The following ELL variants were observed in gnomAD, a reference collection of about 807,000 sequenced individuals.
ELL encodes the protein elongation factor for RNA polymerase II, also known as RNA polymerase II elongation factor ELL.
Under a neutral mutation model 64.0 loss-of-function variants are expected in ELL, and 18 were observed. That is an observed-to-expected ratio of 0.28 (90% CI 0.19 to 0.42). The LOEUF (loss-of-function observed/expected upper bound fraction) is 0.42. Ranked by LOEUF, ELL falls within the 10% of genes least tolerant of loss-of-function variation. The pLI is 1.00. For synonymous variants in ELL, 399 were observed against 376.2 expected (o/e 1.06, Z -0.70); for missense variants, 797 against 870.4 (o/e 0.92, Z 1.06).
At chr19:18,457,737 G>A (rs1482293375) in intron 6 of ELL, among the ~76,000 whole-genome samples, 6 of 152,176 alleles carry the variant, frequency 3.9e-5, no homozygotes, top group African/African-American at 7.2e-5. Context: ...TAGCCTGAGG[G>A]GATGCATTTA....
intron 6 of ELL, among the ~76,000 whole-genome samples, chr19:18,454,362 G>A (rs1365837287): frequency 2.0e-5 from 3 of 152,160 alleles, no homozygotes; most frequent in Non-Finnish European, 2.9e-5. Flanking sequence ...AGCCGGGCAT[G>A]GTGGCGGGCG....
intron 8 of ELL, among the ~76,000 whole-genome samples, chr19:18,447,410 G>A (rs993904525): frequency 1.3e-5 from 2 of 152,220 alleles, no homozygotes; most frequent in South Asian, 2.1e-4. Flanking sequence ...TGAATTGCAC[G>A]CTCCACAAGG....
rs1481679784 is a variant in ELL at position 18,443,987 on chromosome 19, C to T, written c.*765G>A. The T allele has an allele frequency of 8.6e-6, 2 of 232,346 alleles. No homozygotes were observed. Among genetic ancestry groups the T allele is most frequent in the African/African-American group, 4.4e-5 (2 of 45,294 alleles). The allele number at this position is 232,346 out of a possible 1,614,324, so 14.4% of individuals were successfully genotyped here. On this transcript the variant is annotated 3_prime_UTR_variant, in exon 12 of 12. Transcript: ENST00000262809. ...GCTGCGGCCGAGTCTCAACTTGGAG[C>T]ACAGAAACACAGTGGCCCCCGACAG...
intron 6 of ELL, among the ~76,000 whole-genome samples, chr19:18,454,517 A>G (rs1260216729): frequency 1.3e-5 from 2 of 150,986 alleles, no homozygotes; most frequent in East Asian, 3.9e-4. Context: ...AAAGAAATAA[A>G]TAAAATAAAC....
At chr19:18,446,273 A>G in intron 10 of ELL, 36 bp downstream of exon 10, 1 of 1,510,198 alleles carries the variant, frequency 6.6e-7, no homozygotes, top group Non-Finnish European at 8.8e-7. Context: ...GGCTCCCGCC[A>G]GAGCCAGGGC....
At position 18,482,308 on chromosome 19, in the gene ELL, C is replaced by CTTTTTTTTTTTT. The variant is rs530594631; in HGVS notation, c.136-9438_136-9427dup. ...TAGTCCATGGCTTGTCTTTTCATTCCTTTTTTTTTTTTTTTTTTTTTTTTT... is the reference window on the plus strand; with the variant it reads ...TAGTCCATGGCTTGTCTTTTCATTCCTTTTTTTTTTTTTTTTTTTTTTTTTTTTTTTTTTTTT... On this transcript the variant is annotated intron_variant, in intron 1 of 11. Transcript: ENST00000262809. Among the ~76,000 whole-genome samples, 22 of 77,566 alleles carry CTTTTTTTTTTTT rather than the reference C, an allele frequency of 2.8e-4. 4 individuals are homozygous for CTTTTTTTTTTTT. The highest frequency in any genetic ancestry group is 1.2e-3 in the African/African-American group (19 of 15,334). 50.9% of individuals were successfully genotyped at this position (77,566 alleles called of 152,430 possible).
intron 7 of ELL, 63 bp downstream of exon 7, chr19:18,451,489 C>T (rs1974534826): frequency 3.0e-6 from 4 of 1,329,336 alleles, no homozygotes; most frequent in Non-Finnish European, 2.9e-6. Context: ...ACAAGGGTTA[C>T]TGATGCAGCA....
chr19:18,462,726 G>A (rs1974854728), intron 4 of ELL, among the ~76,000 whole-genome samples: 1 of 152,202 alleles, frequency 6.6e-6, no homozygotes, highest in African/African-American at 2.4e-5. Context: ...TAAACTGGGG[G>A]TCCCTGAACT....
At chr19:18,498,644 T>C (rs1325823625) in intron 1 of ELL, among the ~76,000 whole-genome samples, 3 of 152,104 alleles carry the variant, frequency 2.0e-5, no homozygotes, top group Admixed American at 1.3e-4. Flanking sequence ...TGCCCCCGGA[T>C]GGGTAGACAG....
rs1019749853 is a variant in ELL at position 18,472,969 on chromosome 19, A to G, written c.136-87T>C. 25 of 1,433,168 alleles carry G rather than the reference A, an allele frequency of 1.7e-5. No individual in the cohort carries two copies. The Middle Eastern group carries it at 2.8e-3, about 161-fold the overall frequency. The allele number at this position is 1,433,168 out of a possible 1,614,324, so 88.8% of individuals were successfully genotyped here. A position where few individuals can be genotyped will look rare whatever the true frequency, so the allele number is the denominator to read the frequency against. ...CCAAAGACTCCCTCCCCAGGTATAG[A>G]AGGAGCAGGGTGAAGATGGTGTTCT... is the stretch of plus-strand genomic sequence containing the variant. On this transcript the variant is annotated intron_variant, in intron 1 of 11. Transcript: ENST00000262809.
intron 1 of ELL, among the ~76,000 whole-genome samples, chr19:18,512,955 C>A (rs1214169166): frequency 6.6e-6 from 1 of 152,134 alleles, no homozygotes; most frequent in South Asian, 2.1e-4. Context: ...GGACACGGGG[C>A]GCAACAACAG....
intron 1 of ELL, among the ~76,000 whole-genome samples, chr19:18,492,573 TATTA>T (rs1975555191): frequency 6.6e-6 from 1 of 152,236 alleles, no homozygotes; most frequent in African/African-American, 2.4e-5. Flanking sequence ...TCAATCTCAT[TATTA>T]ATGTGTTAAA....
Position 18,450,833 on chromosome 19 carries a change from C to T in ELL, c.1109G>A (p.Gly370Asp). The T allele has an allele frequency of 6.3e-7, 1 of 1,589,022 alleles. No homozygotes were observed. The highest frequency in any genetic ancestry group is 8.6e-7 in the Non-Finnish European group (1 of 1,166,712). Residue 370 changes from glycine (G) to aspartate (D), a missense_variant, in exon 8 of 12, where the codon GGC becomes GAC. Gly to Asp is a moderately conservative substitution (Grantham distance 94). Transcript: ENST00000262809. ...NGREALLPTP[G>D]PPASTDTLSS... is the part of the protein sequence containing the mutation. ...GAGGGTGTCCGTGCTGGCTGGTGGGCCCGGGGTGGGCAGCAAGGCCTCACG... is the reference window on the plus strand; with the variant it reads ...GAGGGTGTCCGTGCTGGCTGGTGGGTCCGGGGTGGGCAGCAAGGCCTCACG...
At chr19:18,473,428 G>C (rs1454191457) in intron 1 of ELL, among the ~76,000 whole-genome samples, 2 of 152,206 alleles carry the variant, frequency 1.3e-5, no homozygotes, top group African/African-American at 4.8e-5. Context: ...CAACCAGGTG[G>C]GTGAGCACTG....
intron 1 of ELL, among the ~76,000 whole-genome samples, chr19:18,488,985 T>C (rs1975474245): frequency 6.6e-6 from 1 of 152,238 alleles, no homozygotes; most frequent in South Asian, 2.1e-4. Flanking sequence ...GGTCCCTGCA[T>C]CTGCAGACCG....
chr19:18,459,407 T>G (rs761741804), intron 5 of ELL, among the ~76,000 whole-genome samples: 2 of 152,202 alleles, frequency 1.3e-5, no homozygotes, highest in Non-Finnish European at 2.9e-5. Context: ...CCTGAGTGGG[T>G]GCTGCGTGCT....
chr19:18,505,835 C>G (rs1975875141), intron 1 of ELL, among the ~76,000 whole-genome samples: 1 of 152,176 alleles, frequency 6.6e-6, no homozygotes, highest in South Asian at 2.1e-4. Flanking sequence ...GGAGGGGCTG[C>G]AGGCACTGAC....
intron 5 of ELL, among the ~76,000 whole-genome samples, chr19:18,460,574 G>C (rs368698139): frequency 1.1e-4 from 16 of 152,332 alleles, no homozygotes; most frequent in African/African-American, 3.8e-4. Context: ...GGGTGGACGA[G>C]GGCCAGGCTG....
chr19:18,497,557 C>T (rs532354675), intron 1 of ELL, among the ~76,000 whole-genome samples: 2 of 151,826 alleles, frequency 1.3e-5, no homozygotes, highest in African/African-American at 4.8e-5. Context: ...TGGTGGCTCA[C>T]ACCTGTAATC....
Sources: gnomAD v4.1 joint callset for allele counts (sites outside exome capture counted in the v4.1 genomes callset) on GRCh38, gnomAD v4.1.1 for gene constraint, MANE v1.5 for transcripts, NCBI Gene and HGNC (gene_info 2026-07-23, HGNC 2026-07-21) for gene names.